NUP43: variants seen among roughly 807,000 people sequenced by gnomAD.
NUP43 encodes nucleoporin Nup43.
A neutral mutation model predicts 47.3 loss-of-function variants in NUP43; 32 were observed. That is an observed-to-expected ratio of 0.68 (90% CI 0.51 to 0.91). The LOEUF is 0.91. NUP43 is among the 40% of genes least tolerant of loss of function. The pLI is 0.00. For synonymous variants in NUP43, 147 were observed against 158.4 expected (o/e 0.93, Z 0.54); for missense variants, 444 against 453.9 (o/e 0.98, Z 0.20).
chr6:149,740,596 T>A (rs1291289438), intron 4 of NUP43, among the ~76,000 whole-genome samples: 2 of 152,110 alleles, frequency 1.3e-5, no homozygotes, highest in Non-Finnish European at 2.9e-5. Flanking sequence ...GCCATTGCAC[T>A]CCAGCCTGGT....
At chr6:149,727,644 A>C in intron 7 of NUP43, 2 of 807,178 alleles carry the variant, frequency 2.5e-6, no homozygotes, top group Non-Finnish European at 3.0e-6. Context: ...GAACATTTCT[A>C]GAAATATATT....
intron 4 of NUP43, among the ~76,000 whole-genome samples, chr6:149,740,372 T>C (rs1418381541): frequency 6.6e-6 from 1 of 151,248 alleles, no homozygotes; most frequent in Non-Finnish European, 1.5e-5. Context: ...GGCTCACGCC[T>C]GTAATCCCAG....
At chr6:149,727,623 T>C (rs1784849696) in intron 7 of NUP43, 1 of 808,104 alleles carries the variant, frequency 1.2e-6, no homozygotes, top group African/African-American at 1.9e-5. Flanking sequence ...TTTCTAGACA[T>C]ATTTCTAGAT....
intron 4 of NUP43, among the ~76,000 whole-genome samples, chr6:149,740,494 TG>T (rs1381864463): frequency 6.6e-6 from 1 of 152,010 alleles, no homozygotes; most frequent in African/African-American, 2.4e-5. Context: ...GTGGGTGTGG[TG>T]GCGTGCGCCT....
intron 6 of NUP43, among the ~76,000 whole-genome samples, chr6:149,735,574 G>A (rs1026868172): frequency 2.1e-4 from 26 of 123,106 alleles, no homozygotes; most frequent in African/African-American, 8.9e-4. Flanking sequence ...CTCTGGCCTA[G>A]GCAACAGAGA....
At chr6:149,744,045 G>A (rs1285845745) in intron 2 of NUP43, among the ~76,000 whole-genome samples, 1 of 151,448 alleles carries the variant, frequency 6.6e-6, no homozygotes, top group Non-Finnish European at 1.5e-5. Context: ...AGGCCTAGGT[G>A]GACGGATCAC....
rs1358544991 is a variant in NUP43, at chr6:149,726,262, T to C, written c.*707A>G. 5 of 151,924 alleles carry C rather than the reference T, an allele frequency of 3.3e-5. No individual in the cohort carries two copies. Among genetic ancestry groups the C allele is most frequent in the Non-Finnish European group, 7.3e-5 (5 of 68,052 alleles). The allele number at this position is 151,924 out of a possible 1,614,324, so 9.4% of individuals were successfully genotyped here. On this transcript the variant is annotated 3_prime_UTR_variant, in exon 8 of 8. Coordinates refer to ENST00000340413, the MANE Select transcript of NUP43 (RefSeq NM_198887.3). ...CTCTACTAAAATTACAAAAATTAGC[T>C]GGGCGTGGTGGCGCACACCTGTAGT...
Position 149,731,641 on chromosome 6 carries a change from T to C in NUP43, c.885A>G (p.Val295=). The C allele has an allele frequency of 6.2e-7, 1 of 1,613,202 alleles. No individual in the cohort carries two copies. The highest frequency in any genetic ancestry group is 2.2e-5 in the East Asian group (1 of 44,810). The change falls in exon 7 of 8, where the codon GTA becomes GTG. Residue 295 remains valine, a synonymous_variant. Coordinates refer to ENST00000340413, the MANE Select transcript of NUP43 (RefSeq NM_198887.3). ...SLWHWDASTD[V]PEKSSLFHQG... ...GGTGAAAGAGTGACGACTTTTCAGG[T>C]ACATCTGTGGAAGCATCCCAGTGCC...
chr6:149,746,904 C>A (rs1165963428), upstream of NUP43, among the ~76,000 whole-genome samples: 1 of 152,218 alleles, frequency 6.6e-6, no homozygotes, highest in Non-Finnish European at 1.5e-5. Flanking sequence ...CTTAAATACT[C>A]GTGGAAGTAC....
intron 5 of NUP43, among the ~76,000 whole-genome samples, chr6:149,737,758 T>A (rs1280158716): frequency 6.6e-6 from 1 of 152,054 alleles, no homozygotes; most frequent in Non-Finnish European, 1.5e-5. Context: ...CAGGTTCAAG[T>A]GATTCTCCTG....
At chr6:149,743,798 G>T in intron 2 of NUP43, 83 bp from the exon 3 acceptor site, 1 of 788,386 alleles carries the variant, frequency 1.3e-6, no homozygotes, top group Non-Finnish European at 2.1e-6. Context: ...TCAATTAGTA[G>T]CAAATCTTAT....
At chr6:149,747,477 G>A (rs1371209329), upstream of NUP43, among the ~76,000 whole-genome samples, 4 of 148,488 alleles carry the variant, frequency 2.7e-5, no homozygotes, top group South Asian at 2.1e-4. Flanking sequence ...TTGGAGAGAC[G>A]GGATTTCACC....
At chr6:149,738,495 C>T (rs1785480202) in intron 5 of NUP43, 148 bp downstream of exon 5, 1 of 482,388 alleles carries the variant, frequency 2.1e-6, no homozygotes, top group Admixed American at 4.2e-5. Flanking sequence ...CCAACCCCGT[C>T]AAGTTATGCT....
chr6:149,735,375 G>C (rs1201184024), intron 6 of NUP43, among the ~76,000 whole-genome samples: 2 of 151,998 alleles, frequency 1.3e-5, no homozygotes, highest in Non-Finnish European at 2.9e-5. Context: ...TATTATTTTT[G>C]TGTAGAAAAA....
At chr6:149,736,697 T>C in intron 5 of NUP43, 75 bp from the exon 6 acceptor site, 4 of 1,352,162 alleles carry the variant, frequency 3.0e-6, no homozygotes, top group Non-Finnish European at 4.1e-6. Context: ...GGAAACACGT[T>C]TTTTGTTTGT....
At chr6:149,747,256 C>T (rs1047423977), upstream of NUP43, among the ~76,000 whole-genome samples, 6 of 152,006 alleles carry the variant, frequency 3.9e-5, no homozygotes, top group Non-Finnish European at 7.4e-5. Context: ...CCTGACGACC[C>T]CAGCCAATGT....
intron 4 of NUP43, among the ~76,000 whole-genome samples, chr6:149,741,504 A>G (rs776064491): frequency 6.6e-6 from 1 of 150,576 alleles, no homozygotes; most frequent in Admixed American, 6.6e-5. Flanking sequence ...ATCACTTAAC[A>G]TTGTGTTTAC....
intron 7 of NUP43, among the ~76,000 whole-genome samples, chr6:149,728,841 T>C (rs1003766815): frequency 1.3e-5 from 2 of 152,180 alleles, no homozygotes; most frequent in Admixed American, 1.3e-4. Flanking sequence ...TTCACTTCTC[T>C]TAAGTCTCTG....
intron 6 of NUP43, among the ~76,000 whole-genome samples, chr6:149,732,183 G>GAGA (rs1554245325): frequency 9.3e-6 from 1 of 107,378 alleles, no homozygotes; most frequent in African/African-American, 3.5e-5. Flanking sequence ...CACTGTCTGA[G>GAGA]AAAAAAAAAA....
Sources: allele counts gnomAD v4.1 joint callset (sites outside exome capture counted in the v4.1 genomes callset), GRCh38; gene constraint gnomAD v4.1.1; transcripts MANE v1.5; gene names NCBI Gene and HGNC (gene_info 2026-07-23, HGNC 2026-07-21).